Variants in EZH2 observed in about 807,000 individuals in gnomAD.
EZH2 encodes histone-lysine N-methyltransferase EZH2.
A neutral mutation model predicts 98.4 loss-of-function variants in EZH2; 18 were observed. The observed-to-expected ratio is 0.18, with a 90% CI of 0.13 to 0.27. The LOEUF is 0.27. EZH2 is among the 10% of genes least tolerant of loss of function. The probability of loss-of-function intolerance (pLI) is 1.00; values close to 1 mark genes in which losing one functional copy is unlikely to be tolerated. For missense variants in EZH2, 470 were observed against 935.1 expected, an observed-to-expected ratio of 0.50 and a Z score of 6.49; for synonymous variants, 338 against 312.3, an observed-to-expected ratio of 1.08 and a Z score of -0.87.
At chr7:148,807,758 G>T in intron 19 of EZH2, 52 bp from the exon 20 acceptor site, 1 of 1,261,716 alleles carries the variant, frequency 7.9e-7, no homozygotes, top group Non-Finnish European at 1.1e-6. Context: ...TCCAACATGT[G>T]CTGAGACTTA....
intron 4 of EZH2, among the ~76,000 whole-genome samples, chr7:148,830,147 A>C (rs1808935599): frequency 6.6e-6 from 1 of 152,186 alleles, no homozygotes. Flanking sequence ...AAGAAAGAAA[A>C]AGATGCTCTA....
intron 2 of EZH2, 129 bp downstream of exon 2, chr7:148,847,053 A>C: frequency 9.4e-7 from 1 of 1,060,172 alleles, no homozygotes; most frequent in Non-Finnish European, 1.3e-6. Flanking sequence ...TAAGCTTCCA[A>C]GTATTCACTC....
chr7:148,814,951 T>C lies in EZH2; in HGVS notation c.1635A>G (p.Gln545=), dbSNP rs2129470107. The change falls in exon 14 of 20, where the codon CAA becomes CAG. Residue 545 remains glutamine (Q), a synonymous_variant. Coordinates refer to ENST00000320356, the MANE Select transcript of EZH2 (RefSeq NM_004456.5). ...CDSSCPCVIA[Q]NFCEKFCQCS... Reference sequence around the variant, plus strand: ...ATTGACAAAACTTTTCACAAAAATTTTGTGCTATCACACAAGGGCACGAAC... The same window carrying C: ...ATTGACAAAACTTTTCACAAAAATTCTGTGCTATCACACAAGGGCACGAAC... 2 of 1,613,602 alleles carry C rather than the reference T, an allele frequency of 1.2e-6. No individual in the cohort carries two copies. The highest frequency in any genetic ancestry group is 2.7e-5 in the African/African-American group (2 of 75,044).
intron 3 of EZH2, among the ~76,000 whole-genome samples, chr7:148,839,690 G>T (rs554433360): frequency 6.6e-6 from 1 of 151,796 alleles, no homozygotes; most frequent in Non-Finnish European, 1.5e-5. Flanking sequence ...GACTACAGGC[G>T]CACACCACCA....
chr7:148,853,632 A>T (rs1816270188), intron 1 of EZH2, among the ~76,000 whole-genome samples: 1 of 152,232 alleles, frequency 6.6e-6, no homozygotes, highest in Non-Finnish European at 1.5e-5. Flanking sequence ...AACCATCTCT[A>T]GATTACTAAA....
intron 3 of EZH2, 137 bp downstream of exon 3, chr7:148,846,333 T>C (rs1365784088): frequency 1.2e-6 from 1 of 841,930 alleles, no homozygotes; most frequent in African/African-American, 1.7e-5. Flanking sequence ...TCATTAACAG[T>C]TGCACATTAA....
chr7:148,883,317 T>C (rs957044087), intron 1 of EZH2: 1 of 152,244 alleles, frequency 6.6e-6, no homozygotes. Context: ...GAAGTGGGAA[T>C]TCAACAGGAC....
intron 1 of EZH2, among the ~76,000 whole-genome samples, chr7:148,868,341 T>A (rs752791895): frequency 6.6e-6 from 1 of 152,184 alleles, no homozygotes; most frequent in Non-Finnish European, 1.5e-5. Flanking sequence ...CTCAGGAAAC[T>A]TATCATCACA....
rs560622782 is a variant in EZH2 at position 148,807,527 on chromosome 7, C to G, written c.*119G>C. 27 of 799,738 alleles carry G rather than the reference C, an allele frequency of 3.4e-5. No individual in the cohort carries two copies. The South Asian group carries it at 4.3e-4, about 13-fold the overall frequency. 49.5% of individuals were successfully genotyped at this position (799,738 alleles called of 1,614,324 possible). A position where few individuals can be genotyped will look rare whatever the true frequency, so the allele number is the denominator to read the frequency against. The stretch of plus-strand genomic sequence containing the variant: ...AACTCATTACTATAAATTATTCTTA[C>G]AGTACTTTGCAAATTCAGAATTTCA... On this transcript the variant is annotated 3_prime_UTR_variant, in exon 20 of 20. Transcript: ENST00000320356.
chr7:148,828,796 C>CCAT lies in EZH2; in HGVS notation c.566_568dup (p.Asp189dup), dbSNP rs587778303. On this transcript the variant is annotated inframe_insertion, in exon 6 of 20. Transcript: ENST00000320356. ...TTCTTCTCTTTCTTCAGGATCGTCT[C>CCAT]CATCATCATCATCGTCATCATCATT... The CCAT allele has an allele frequency of 4.3e-6, 7 of 1,613,400 alleles. No homozygotes were observed. Among genetic ancestry groups the CCAT allele is most frequent in the East Asian group, 2.2e-5 (1 of 44,848 alleles).
chr7:148,860,561 C>A (rs1817515418), intron 1 of EZH2, among the ~76,000 whole-genome samples: 1 of 152,178 alleles, frequency 6.6e-6, no homozygotes, highest in South Asian at 2.1e-4. Flanking sequence ...ACACCATTAA[C>A]ACCATTCTTC....
chr7:148,864,832 A>T (rs1002010398), intron 1 of EZH2, among the ~76,000 whole-genome samples: 2 of 152,086 alleles, frequency 1.3e-5, no homozygotes, highest in African/African-American at 4.8e-5. Flanking sequence ...ACGGAAAAAA[A>T]TAGGTATCAG....
intron 1 of EZH2, among the ~76,000 whole-genome samples, chr7:148,880,837 A>G (rs753456601): frequency 1.2e-4 from 18 of 152,224 alleles, no homozygotes; most frequent in Admixed American, 2.0e-4. Context: ...TATACAAAGA[A>G]AAAAATAAGA....
At chr7:148,828,400 C>CA (rs1292742205) in intron 6 of EZH2, among the ~76,000 whole-genome samples, 1 of 152,018 alleles carries the variant, frequency 6.6e-6, no homozygotes, top group Non-Finnish European at 1.5e-5. Flanking sequence ...TGCAGTGGCA[C>CA]AATCACAGCT....
intron 1 of EZH2, among the ~76,000 whole-genome samples, chr7:148,878,093 G>GAT (rs981724302): frequency 2.5e-4 from 38 of 152,150 alleles, no homozygotes; most frequent in African/African-American, 8.4e-4. Context: ...TATAGAGAGA[G>GAT]ATATATATAG....
intron 6 of EZH2, among the ~76,000 whole-genome samples, chr7:148,828,219 G>A (rs190915425): frequency 2.6e-5 from 4 of 152,310 alleles, no homozygotes; most frequent in East Asian, 3.9e-4. Context: ...ACTTGTACAC[G>A]GTGAATATCA....
Position 148,827,211 on chromosome 7 carries a change from A to T in EZH2, c.681T>A (p.Ile227=). 6.2e-7 allele frequency: 1 copy of T among 1,613,914 alleles called. No individual in the cohort carries two copies. Among genetic ancestry groups the T allele is most frequent in the Non-Finnish European group, 8.5e-7 (1 of 1,179,906 alleles). ...KFPSDKIFEA[I]SSMFPDKGTA... ...TGCCCTTATCTGGAAACATTGAGGA[A>T]ATGGCTTCAAAAATTTTATCAGAAG... The change falls in exon 7 of 20, where the codon ATT becomes ATA. Residue 227 remains isoleucine, a synonymous_variant. Coordinates refer to ENST00000320356, the MANE Select transcript of EZH2 (RefSeq NM_004456.5).
intron 1 of EZH2, among the ~76,000 whole-genome samples, chr7:148,868,954 C>A (rs568265636): frequency 1.3e-5 from 2 of 152,224 alleles, no homozygotes; most frequent in African/African-American, 4.8e-5. Context: ...ATTTCTTTAA[C>A]TGCAAAGGTA....
chr7:148,866,499 T>C (rs1294840788), intron 1 of EZH2, among the ~76,000 whole-genome samples: 4 of 145,028 alleles, frequency 2.8e-5, no homozygotes, highest in Non-Finnish European at 6.0e-5. Flanking sequence ...AAAATATATA[T>C]ACGTATATAC....
Sources: gnomAD v4.1 joint callset for allele counts (sites outside exome capture counted in the v4.1 genomes callset) on GRCh38, gnomAD v4.1.1 for gene constraint, MANE v1.5 for transcripts, NCBI Gene and HGNC (gene_info 2026-07-23, HGNC 2026-07-21) for gene names.